TIAM1: variants seen among roughly 807,000 people sequenced by gnomAD.
TIAM1 encodes TIAM Rac1 associated GEF 1.
TIAM1 carries 65 observed loss-of-function variants against 163.5 expected under a neutral mutation model. The ratio of observed to expected loss-of-function variants is 0.40; its 90% confidence interval spans 0.33 to 0.49. TIAM1 has a LOEUF of 0.49. TIAM1 is among the 20% of genes least tolerant of loss of function. TIAM1 has a pLI of 0.77. For missense variants in TIAM1, 1,789 were observed against 2,044.7 expected, an observed-to-expected ratio of 0.87 and a Z score of 2.41; for synonymous variants, 833 against 810.1, an observed-to-expected ratio of 1.03 and a Z score of -0.48.
At chr21:31,291,356 C>T (rs1197524850) in intron 2 of TIAM1, among the ~76,000 whole-genome samples, 5 of 152,162 alleles carry the variant, frequency 3.3e-5, no homozygotes, top group African/African-American at 9.6e-5. Context: ...CTTCCAGAAA[C>T]CTGTCTCTGG....
At chr21:31,248,609 A>G (rs2071630366) in intron 5 of TIAM1, among the ~76,000 whole-genome samples, 1 of 152,206 alleles carries the variant, frequency 6.6e-6, no homozygotes, top group African/African-American at 2.4e-5. Flanking sequence ...TCTTTAGGGA[A>G]AAAAAATCTC....
intron 2 of TIAM1, among the ~76,000 whole-genome samples, chr21:31,358,145 G>A (rs967934851): frequency 1.2e-4 from 18 of 152,152 alleles, no homozygotes; most frequent in African/African-American, 3.9e-4. Flanking sequence ...GGCAGAGGGC[G>A]GCATCCCAGG....
chr21:31,513,654 G>C (rs929058795), intron 1 of TIAM1, among the ~76,000 whole-genome samples: 1 of 152,126 alleles, frequency 6.6e-6, no homozygotes, highest in Non-Finnish European at 1.5e-5. Flanking sequence ...GGAAACTCTT[G>C]TACAGATACC....
intron 12 of TIAM1, among the ~76,000 whole-genome samples, chr21:31,198,016 C>G (rs1169209045): frequency 6.6e-6 from 1 of 152,192 alleles, no homozygotes; most frequent in Non-Finnish European, 1.5e-5. Context: ...TAAAAACTCA[C>G]AAACAAATAG....
At chr21:31,334,289 CTT>C (rs11323293) in intron 2 of TIAM1, among the ~76,000 whole-genome samples, 153 of 144,860 alleles carry the variant, frequency 1.1e-3, no homozygotes, top group Admixed American at 1.3e-3. Flanking sequence ...ACCTCCCCGC[CTT>C]TTTTTTTTTT....
rs764835303 is a variant in TIAM1, at chr21:31,144,830, GAAAAAA to G, written c.3475+2059_3475+2064del. On this transcript the variant is annotated intron_variant, in intron 20 of 27. Coordinates refer to ENST00000541036, the MANE Select transcript of TIAM1 (RefSeq NM_001353694.2). ...GGTGACAGAGTGAGACTCCATCTCA[GAAAAAA>G]AAAAAAAAAAAAAAAAGAAAAGAAA... Among the ~76,000 whole-genome samples the G allele has an allele frequency of 4.8e-3, 354 of 74,510 alleles. 2 individuals are homozygous for G. The highest frequency in any genetic ancestry group is 0.04 in the South Asian group (67 of 1,692). The allele number at this position is 74,510 out of a possible 152,430, so 48.9% of individuals were successfully genotyped here.
chr21:31,322,898 C>T (rs559308070), intron 2 of TIAM1, among the ~76,000 whole-genome samples: 15 of 152,320 alleles, frequency 9.8e-5, no homozygotes, highest in African/African-American at 2.6e-4. Context: ...ACAGAACTCC[C>T]GCAGGTGAGA....
At chr21:31,388,260 A>ACACACACACG (rs1413732260) in intron 2 of TIAM1, among the ~76,000 whole-genome samples, 2 of 29,522 alleles carry the variant, frequency 6.8e-5, no homozygotes, top group East Asian at 1.3e-3. Flanking sequence ...CACACACACA[A>ACACACACACG]CCTCTTACGT....
At chr21:31,490,246 CT>C (rs2046420423) in intron 1 of TIAM1, among the ~76,000 whole-genome samples, 1 of 152,132 alleles carries the variant, frequency 6.6e-6, no homozygotes, top group East Asian at 1.9e-4. Flanking sequence ...TCTAATTCTA[CT>C]TTATGTAAAA....
intron 2 of TIAM1, among the ~76,000 whole-genome samples, chr21:31,365,644 G>A (rs1359081719): frequency 6.6e-6 from 1 of 151,688 alleles, no homozygotes; most frequent in Non-Finnish European, 1.5e-5. Flanking sequence ...ACCTGCCTCG[G>A]CCTCCCAAAG....
rs374798376 is a variant in TIAM1, at chr21:31,266,442, C to A, written c.531G>T (p.Arg177=). 1.4e-5 allele frequency: 22 copies of A among 1,614,090 alleles called. No individual in the cohort carries two copies. Among genetic ancestry groups the A allele is most frequent in the Non-Finnish European group, 1.6e-5 (19 of 1,180,054 alleles). The part of the protein sequence containing the change: ...KKRSKSADIW[R]EDSLEFSLSD... ...AGAGTGAGAATTCCAGGCTGTCCTCCCGCCAGATGTCTGCAGATTTGGAGC... is the reference window on the plus strand; with the variant it reads ...AGAGTGAGAATTCCAGGCTGTCCTCACGCCAGATGTCTGCAGATTTGGAGC... The change falls in exon 4 of 28, where the codon CGG becomes CGT. Residue 177 remains arginine, a synonymous_variant. Coordinates refer to ENST00000541036, the MANE Select transcript of TIAM1 (RefSeq NM_001353694.2).
intron 2 of TIAM1, among the ~76,000 whole-genome samples, chr21:31,365,387 C>CTTTTTTTTTT (rs772457613): frequency 7.8e-6 from 1 of 128,804 alleles, no homozygotes. Context: ...TTATTTCTTT[C>CTTTTTTTTTT]TTTTTTTTTT....
At chr21:31,172,967 A>G (rs1224505642) in intron 15 of TIAM1, among the ~76,000 whole-genome samples, 1 of 152,190 alleles carries the variant, frequency 6.6e-6, no homozygotes, top group Admixed American at 6.5e-5. Context: ...GTTACCTACA[A>G]TAATATTTTT....
chr21:31,336,128 T>C (rs933963742), intron 2 of TIAM1, among the ~76,000 whole-genome samples: 5 of 152,174 alleles, frequency 3.3e-5, no homozygotes, highest in African/African-American at 1.2e-4. Flanking sequence ...CAAGACAGAA[T>C]AAGTGAAGAC....
At chr21:31,381,963 C>T (rs1420009507) in intron 2 of TIAM1, among the ~76,000 whole-genome samples, 1 of 152,180 alleles carries the variant, frequency 6.6e-6, no homozygotes, top group African/African-American at 2.4e-5. Flanking sequence ...ACTTCCTCAC[C>T]TTCAGAACTG....
chr21:31,506,281 C>CACACACACACACACACAT (rs1556009401), intron 1 of TIAM1, among the ~76,000 whole-genome samples: 1 of 150,772 alleles, frequency 6.6e-6, no homozygotes, highest in Non-Finnish European at 1.5e-5. Flanking sequence ...CACACACACA[C>CACACACACACACACACAT]ATATGCATCT....
At chr21:31,410,747 C>T (rs1334424396) in intron 2 of TIAM1, among the ~76,000 whole-genome samples, 1 of 151,350 alleles carries the variant, frequency 6.6e-6, no homozygotes, top group African/African-American at 2.4e-5. Context: ...GAGAGAGAGG[C>T]AGAGGGAGGG....
chr21:31,210,538 G>A (rs529042984), intron 10 of TIAM1, among the ~76,000 whole-genome samples: 1 of 52,246 alleles, frequency 1.9e-5, no homozygotes, highest in South Asian at 5.2e-4. Context: ...GGAAGGAAAA[G>A]AAAGAAAGAA....
At chr21:31,287,126 T>C (rs553176649) in intron 2 of TIAM1, among the ~76,000 whole-genome samples, 61 of 152,326 alleles carry the variant, frequency 4.0e-4, no homozygotes, top group African/African-American at 1.4e-3. Flanking sequence ...CACAATGGTG[T>C]ATTGGGGTTT....
Sources: gnomAD v4.1 joint callset for allele counts (sites outside exome capture counted in the v4.1 genomes callset) on GRCh38, gnomAD v4.1.1 for gene constraint, MANE v1.5 for transcripts, NCBI Gene and HGNC (gene_info 2026-07-23, HGNC 2026-07-21) for gene names.